The following BIN3 variants were observed in gnomAD, a reference collection of about 807,000 sequenced individuals.
BIN3 encodes bridging integrator 3.
In BIN3, 41 loss-of-function variants were observed where a neutral mutation model predicts 38.2. The ratio of observed to expected loss-of-function variants is 1.07; its 90% CI spans 0.84 to 1.39. BIN3 has a LOEUF of 1.39. BIN3 is among the 40% of genes most tolerant of loss of function. The pLI is 0.00. For synonymous variants in BIN3, 145 were observed against 122.6 expected (o/e 1.18, Z -1.21); for missense variants, 361 against 324.3 (o/e 1.11, Z -0.87).
rs1188390157 is a variant in BIN3 at position 22,623,843 on chromosome 8, C to A, written c.615+72G>T. Reference sequence around the variant, plus strand: ...TACGGAGAATGGCTAAGCCACCCTTCCAGTGTGGGTGACAGGGAGTGGCAT... The same window carrying A: ...TACGGAGAATGGCTAAGCCACCCTTACAGTGTGGGTGACAGGGAGTGGCAT... On this transcript the variant is annotated intron_variant, in intron 8 of 8. Coordinates refer to ENST00000276416, the MANE Select transcript of BIN3 (RefSeq NM_018688.6). The A allele has an allele frequency of 2.6e-6, 4 of 1,530,806 alleles. No homozygotes were observed. In the Admixed American group the frequency reaches 7.5e-5, roughly 29 times the overall value. 94.8% of individuals were successfully genotyped at this position (1,530,806 alleles called of 1,614,324 possible). A position where few individuals can be genotyped will look rare whatever the true frequency, so the allele number is the denominator to read the frequency against.
intron 1 of BIN3, among the ~76,000 whole-genome samples, chr8:22,648,897 ATGTATGTATG>A (rs368786990): frequency 0.27 from 39,172 of 143,432 alleles, 6,340 homozygotes; most frequent in East Asian, 0.6. Flanking sequence ...ACATCAACGT[ATGTATGTATG>A]TATGTATGTA....
At chr8:22,653,687 A>C (rs1802968618) in intron 1 of BIN3, among the ~76,000 whole-genome samples, 1 of 152,204 alleles carries the variant, frequency 6.6e-6, no homozygotes, top group South Asian at 2.1e-4. Context: ...AAGAAGTAAA[A>C]GCAGGAATGA....
chr8:22,627,040 C>T (rs1280437279), intron 6 of BIN3, among the ~76,000 whole-genome samples: 1 of 152,206 alleles, frequency 6.6e-6, no homozygotes, highest in Non-Finnish European at 1.5e-5. Context: ...CCAAGACCAC[C>T]TGCCTCTGCA....
At chr8:22,637,412 G>A (rs537223417) in intron 2 of BIN3, among the ~76,000 whole-genome samples, 3 of 152,276 alleles carry the variant, frequency 2.0e-5, no homozygotes, top group South Asian at 2.1e-4. Flanking sequence ...CCCCTCCTAC[G>A]CGGCCCTCCA....
intron 1 of BIN3, among the ~76,000 whole-genome samples, chr8:22,668,182 CCT>C (rs1330120792): frequency 6.6e-6 from 1 of 152,154 alleles, no homozygotes; most frequent in African/African-American, 2.4e-5. Flanking sequence ...TATTCTCTAA[CCT>C]CTAAGAAAGC....
intron 2 of BIN3, among the ~76,000 whole-genome samples, chr8:22,641,977 A>G (rs999019084): frequency 6.6e-6 from 1 of 152,072 alleles, no homozygotes; most frequent in Non-Finnish European, 1.5e-5. Flanking sequence ...TTGTTCCTCC[A>G]TCTCAGTTCT....
intron 4 of BIN3, among the ~76,000 whole-genome samples, chr8:22,631,825 G>A (rs1802212250): frequency 6.6e-6 from 1 of 152,246 alleles, no homozygotes; most frequent in African/African-American, 2.4e-5. Context: ...AGGCGGCTCA[G>A]AGGCGGGCTG....
intron 1 of BIN3, among the ~76,000 whole-genome samples, chr8:22,663,319 C>T (rs983247765): frequency 4.0e-5 from 6 of 151,342 alleles, no homozygotes; most frequent in African/African-American, 1.5e-4. Flanking sequence ...CACTTATAGT[C>T]CCAGCCACTC....
chr8:22,636,686 G>C lies in BIN3; in HGVS notation c.99-100C>G, dbSNP rs890394643. ...GGCCTGCCAAGGAGGAGGAGAAAGG[G>C]ATCTTCTCCACGGGGACTTTTCCCG... On this transcript the variant is annotated intron_variant, in intron 3 of 8. Transcript: ENST00000276416. 5 of 1,284,668 alleles carry C rather than the reference G, an allele frequency of 3.9e-6. No individual in the cohort carries two copies. In the African/African-American group the frequency reaches 7.4e-5, roughly 19 times the overall value. 79.6% of individuals were successfully genotyped at this position (1,284,668 alleles called of 1,614,324 possible).
rs1038629601 is a variant in BIN3 at position 22,620,749 on chromosome 8, T to C, written c.*673A>G. 2.6e-5 allele frequency: 4 copies of C among 152,354 alleles called. No homozygotes were observed. The highest frequency in any genetic ancestry group is 7.2e-5 in the African/African-American group (3 of 41,580). 9.4% of individuals were successfully genotyped at this position (152,354 alleles called of 1,614,324 possible). A position where few individuals can be genotyped will look rare whatever the true frequency, so the allele number is the denominator to read the frequency against. On this transcript the variant is annotated 3_prime_UTR_variant, in exon 9 of 9. Coordinates refer to ENST00000276416, the MANE Select transcript of BIN3 (RefSeq NM_018688.6). ...GAAAATTTTACTTGAAAAAATAAAA[T>C]TCCAGATACTCAGGTGAGACACAAA...
chr8:22,638,410 G>A (rs1003034018), intron 2 of BIN3, among the ~76,000 whole-genome samples: 34 of 152,340 alleles, frequency 2.2e-4, no homozygotes, highest in Admixed American at 1.8e-3. Context: ...CCTGGTTCAG[G>A]TCTTTTTGTT....
intron 1 of BIN3, among the ~76,000 whole-genome samples, chr8:22,656,830 G>A (rs1248569867): frequency 6.6e-6 from 1 of 152,126 alleles, no homozygotes. Context: ...TGTGTTGAAC[G>A]GTGTAAACAT....
At chr8:22,644,173 G>A (rs1802646988) in intron 2 of BIN3, among the ~76,000 whole-genome samples, 1 of 152,228 alleles carries the variant, frequency 6.6e-6, no homozygotes, top group African/African-American at 2.4e-5. Context: ...AACTTCCTAA[G>A]AATCTATGAT....
At position 22,636,962 on chromosome 8, in the gene BIN3, C is replaced by T. The variant is rs770791656; in HGVS notation, c.58G>A (p.Val20Met). 1.2e-5 allele frequency: 20 copies of T among 1,612,626 alleles called. No individual in the cohort carries two copies. The highest frequency in any genetic ancestry group is 1.6e-5 in the Non-Finnish European group (19 of 1,178,828). The change falls in exon 3 of 9, where the codon GTG becomes ATG. Residue 20 changes from valine (V) to methionine (M), a missense_variant and splice_region_variant. Transcript: ENST00000276416. The part of the protein sequence containing the change: ...QPKKQIVPKT[V>M]ERDFEREYGK... ...TACTCCCTTTCAAAGTCTCTCTCCA[C>T]CTGAAACGAGAGAGATAACTCAATT... is the stretch of plus-strand genomic sequence containing the variant.
chr8:22,630,058 C>T lies in BIN3; in HGVS notation c.298-54G>A, dbSNP rs560930220. On this transcript the variant is annotated intron_variant, in intron 5 of 8. Transcript: ENST00000276416. ...AACTGGTGGGGAGGGGAGGGCGACA[C>T]GCAAGGCAGGGCCCCTAACTACCAA... 140 of 1,529,266 alleles carry T rather than the reference C, an allele frequency of 9.2e-5. No homozygotes were observed. The Middle Eastern group carries it at 1.2e-3, about 13-fold the overall frequency. The allele number at this position is 1,529,266 out of a possible 1,614,324, so 94.7% of individuals were successfully genotyped here. A position where few individuals can be genotyped will look rare whatever the true frequency, so the allele number is the denominator to read the frequency against.
intron 4 of BIN3, chr8:22,634,437 G>C (rs1451148247): frequency 4.4e-6 from 2 of 455,236 alleles, no homozygotes; most frequent in Non-Finnish European, 8.8e-6. Flanking sequence ...GGTGACGGCG[G>C]CTCCCAGGGA....
intron 4 of BIN3, chr8:22,634,516 G>T (rs1345893017): frequency 8.8e-6 from 4 of 456,312 alleles, no homozygotes; most frequent in Non-Finnish European, 1.3e-5. Flanking sequence ...AACTGGCTGA[G>T]GCTTAGGAGC....
intron 6 of BIN3, chr8:22,626,318 G>T (rs1802002726): frequency 6.6e-6 from 1 of 152,448 alleles, no homozygotes. Context: ...GGGCTGGGGT[G>T]AGACTGCTGG....
rs550583819 is a variant in BIN3, at chr8:22,635,454, A to C, written c.160+1071T>G. Among the ~76,000 whole-genome samples, 16 of 152,052 alleles carry C rather than the reference A, an allele frequency of 1.1e-4. No homozygotes were observed. In the South Asian group the frequency reaches 3.3e-3, roughly 32 times the overall value. On this transcript the variant is annotated intron_variant, in intron 4 of 8. Coordinates refer to ENST00000276416, the MANE Select transcript of BIN3 (RefSeq NM_018688.6). ...CAAGTCTCTTTCAGGTCCTCGTCCC[A>C]GTGTGGTATATAGACACGGCTTCCC...
Sources: allele counts gnomAD v4.1 joint callset (sites outside exome capture counted in the v4.1 genomes callset), GRCh38; gene constraint gnomAD v4.1.1; transcripts MANE v1.5; gene names NCBI Gene and HGNC (gene_info 2026-07-23, HGNC 2026-07-21).